The following KLK6 variants were observed in gnomAD, a reference collection of about 807,000 sequenced individuals.
The protein encoded by KLK6 is kallikrein related peptidase 6, also known as kallikrein-6.
A neutral mutation model predicts 21.7 loss-of-function variants in KLK6; 16 were observed. The observed-to-expected ratio is 0.74, with a 90% CI of 0.50 to 1.12. KLK6 has a LOEUF of 1.12. Ranked by LOEUF, KLK6 falls within the 50% of genes most tolerant of loss-of-function variation. The probability of loss-of-function intolerance (pLI) is 0.00; values close to 1 mark genes in which losing one functional copy is unlikely to be tolerated. For synonymous variants in KLK6, 116 were observed against 120.1 expected, an observed-to-expected ratio of 0.97 and a Z score of 0.22; for missense variants, 276 against 304.6, an observed-to-expected ratio of 0.91 and a Z score of 0.70.
Position 50,961,857 on chromosome 19 carries a change from A to T in KLK6, c.469T>A (p.Cys157Ser), listed in dbSNP as rs2090846954. The T allele has an allele frequency of 6.2e-7, 1 of 1,613,752 alleles. No individual in the cohort carries two copies. Among genetic ancestry groups the T allele is most frequent in the South Asian group, 1.1e-5 (1 of 91,066 alleles). ...ADGDFPDTIQ[C>S]AYIHLVSREE... ...CGGGACACCAGGTGGATGTATGCAC[A>T]CTGGATGGTGTCAGGGAAATCACCT... Residue 157 changes from cysteine (C) to serine (S), a missense_variant, in exon 6 of 7, where the codon TGT becomes AGT. Coordinates refer to ENST00000310157, the MANE Select transcript of KLK6 (RefSeq NM_002774.4).
chr19:50,968,011 C>A, intron 3 of KLK6, 54 bp downstream of exon 3: 5 of 1,551,496 alleles, frequency 3.2e-6, no homozygotes, highest in Non-Finnish European at 4.4e-6. Flanking sequence ...TCTTCTCCAT[C>A]AACAAGCCCA....
intron 6 of KLK6, 47 bp from the exon 7 acceptor site, chr19:50,959,363 CTGTGTGTGTGTGTG>C (rs71185782): frequency 3.1e-4 from 258 of 841,862 alleles, no homozygotes; most frequent in Middle Eastern, 7.2e-4. Context: ...AACCCAGAGA[CTGTGTGTGTGTGTG>C]TGTGTGTGTG....
chr19:50,967,150 A>G lies in KLK6; in HGVS notation c.197+19T>C. Reference sequence around the variant, plus strand: ...CAGGGTTCAGTCGCATCTGCTGTTCATTTACAGTGTAGACTCACGGTTTTT... The same window carrying G: ...CAGGGTTCAGTCGCATCTGCTGTTCGTTTACAGTGTAGACTCACGGTTTTT... On this transcript the variant is annotated intron_variant, in intron 4 of 6. Coordinates refer to ENST00000310157, the MANE Select transcript of KLK6 (RefSeq NM_002774.4). The G allele has an allele frequency of 6.2e-7, 1 of 1,613,788 alleles. No homozygotes were observed. Among genetic ancestry groups the G allele is most frequent in the Non-Finnish European group, 8.5e-7 (1 of 1,179,912 alleles).
At chr19:50,964,309 G>A (rs1459912895) in intron 4 of KLK6, among the ~76,000 whole-genome samples, 1 of 152,144 alleles carries the variant, frequency 6.6e-6, no homozygotes, top group Non-Finnish European at 1.5e-5. Context: ...CCTGTTAGTA[G>A]GCAATTCCTA....
intron 4 of KLK6, among the ~76,000 whole-genome samples, chr19:50,964,086 C>T (rs2090889361): frequency 6.6e-6 from 1 of 152,114 alleles, no homozygotes; most frequent in Non-Finnish European, 1.5e-5. Flanking sequence ...TCTCCTCCCA[C>T]TCTCCCCTTC....
In KLK6 at chr19:50,961,948, C is replaced by CG; in HGVS notation, c.446-69_446-68insC. 2.6e-6 allele frequency: 4 copies of CG among 1,552,478 alleles called. No individual in the cohort carries two copies. The South Asian group carries it at 4.9e-5, about 19-fold the overall frequency. ...CTCCCCTCATCCTCCCCAGTCACCCCCCAACCCCTATAAGTCCTCCATCCT... is the reference window on the plus strand; with the variant it reads ...CTCCCCTCATCCTCCCCAGTCACCCCGCCAACCCCTATAAGTCCTCCATCCT... On this transcript the variant is annotated intron_variant, in intron 5 of 6. Coordinates refer to ENST00000310157, the MANE Select transcript of KLK6 (RefSeq NM_002774.4).
At chr19:50,960,773 G>GT (rs200426895) in intron 6 of KLK6, among the ~76,000 whole-genome samples, 1,549 of 149,908 alleles carry the variant, frequency 0.01, 21 homozygotes, top group African/African-American at 0.027. Flanking sequence ...TTGTTTTTTG[G>GT]TTTTTTTTTG....
Position 50,958,876 on chromosome 19 carries a change from G to A in KLK6, c.*288C>T, listed in dbSNP as rs1260116865. ...GGGCCTCTGCAGGAAGAAATCAAAC[G>A]TGTGGAAGGGTTGGGGAGAGGAGAT... is the stretch of plus-strand genomic sequence containing the variant. On this transcript the variant is annotated 3_prime_UTR_variant, in exon 7 of 7. Coordinates refer to ENST00000310157, the MANE Select transcript of KLK6 (RefSeq NM_002774.4). 3 of 403,212 alleles carry A rather than the reference G, an allele frequency of 7.4e-6. No individual in the cohort carries two copies. Among genetic ancestry groups the A allele is most frequent in the South Asian group, 3.6e-5 (1 of 27,672 alleles). The allele number at this position is 403,212 out of a possible 1,614,324, so 25.0% of individuals were successfully genotyped here.
rs1329502453 is a variant in KLK6, at chr19:50,963,318, C to G, written c.429G>C (p.Trp143Cys). The change falls in exon 5 of 7, where the codon TGG becomes TGC. Residue 143 changes from tryptophan to cysteine, a missense_variant. By Grantham distance (215) the Trp-to-Cys change is radical. Coordinates refer to ENST00000310157, the MANE Select transcript of KLK6 (RefSeq NM_002774.4). ...ACTACTGACCATCTGCTGTCTTGCCCCAGCCCAGGATGTGGCAGCTGGTGG... is the reference window on the plus strand; with the variant it reads ...ACTACTGACCATCTGCTGTCTTGCCGCAGCCCAGGATGTGGCAGCTGGTGG... ...ANTTSCHILGWGKTADGDFPD... is the reference protein window; with the variant it reads ...ANTTSCHILGCGKTADGDFPD... The G allele has an allele frequency of 6.2e-7, 1 of 1,613,592 alleles. No individual in the cohort carries two copies.
At chr19:50,964,592 G>A (rs369169638) in intron 4 of KLK6, among the ~76,000 whole-genome samples, 3 of 152,264 alleles carry the variant, frequency 2.0e-5, no homozygotes, top group African/African-American at 7.2e-5. Flanking sequence ...GTGGCTGATG[G>A]CTACCATATT....
At position 50,967,282 on chromosome 19, in the gene KLK6, G is replaced by A. The variant is rs1395336516; in HGVS notation, c.84C>T (p.Cys28=). ...EQNKLVHGGP[C]DKTSHPYQAA... Reference sequence around the variant, plus strand: ...CTTGGTAGGGGTGAGATGTCTTGTCGCAGGGTCCGCCATGCACCAACTTAT... The same window carrying A: ...CTTGGTAGGGGTGAGATGTCTTGTCACAGGGTCCGCCATGCACCAACTTAT... The change falls in exon 4 of 7, where the codon TGC becomes TGT. Residue 28 remains cysteine (C), a synonymous_variant. Coordinates refer to ENST00000310157, the MANE Select transcript of KLK6 (RefSeq NM_002774.4). 1.9e-5 allele frequency: 31 copies of A among 1,613,600 alleles called. No homozygotes were observed. Among genetic ancestry groups the A allele is most frequent in the South Asian group, 5.5e-5 (5 of 91,052 alleles).
At chr19:50,964,671 T>C (rs1693648726) in intron 4 of KLK6, among the ~76,000 whole-genome samples, 1 of 152,204 alleles carries the variant, frequency 6.6e-6, no homozygotes, top group African/African-American at 2.4e-5. Context: ...CTCCAGTGCG[T>C]TGATCAGCAC....
chr19:50,967,087 C>G (rs921951931), intron 4 of KLK6, 82 bp downstream of exon 4: 1 of 1,491,000 alleles, frequency 6.7e-7, no homozygotes, highest in Non-Finnish European at 9.3e-7. Flanking sequence ...GGGGGGGATG[C>G]CTATGTCACC....
chr19:50,963,574 C>G, intron 4 of KLK6, 25 bp from the exon 5 acceptor site: 1 of 1,610,780 alleles, frequency 6.2e-7, no homozygotes, highest in Non-Finnish European at 8.5e-7. Flanking sequence ...GGCTGGGTCT[C>G]ACCTGGAGCC....
chr19:50,963,056 T>C (rs2090867451), intron 5 of KLK6, among the ~76,000 whole-genome samples: 1 of 152,232 alleles, frequency 6.6e-6, no homozygotes, highest in Admixed American at 6.5e-5. Context: ...CTTCATCTTA[T>C]GTTCCATCTC....
chr19:50,963,475 C>G lies in KLK6; in HGVS notation c.272G>C (p.Arg91Pro). 1.9e-6 allele frequency: 3 copies of G among 1,614,142 alleles called. No homozygotes were observed. The highest frequency in any genetic ancestry group is 2.5e-6 in the Non-Finnish European group (3 of 1,180,036). The change falls in exon 5 of 7, where the codon CGG becomes CCG. Residue 91 changes from arginine to proline, a missense_variant. Transcript: ENST00000310157. ...ATCATAGTCAGGGTGGATCACAGCC[C>G]GGACAACAGAACTCTGCTCCTGGGA... Reference protein sequence around the residue: ...ESSQEQSSVVRAVIHPDYDAA... With the variant: ...ESSQEQSSVVPAVIHPDYDAA...
At chr19:50,967,511 C>CCACACACACACACACACACACACA (rs146062864) in intron 3 of KLK6, among the ~76,000 whole-genome samples, 186 bp from the exon 4 acceptor site, 127 of 125,548 alleles carry the variant, frequency 1.0e-3, no homozygotes, top group Middle Eastern at 4.0e-3. Context: ...GACCTCATCT[C>CCACACACACACACACACACACACA]CACACACACA....
chr19:50,967,511 C>CCACACACACACACACACACACACACACA (rs146062864), intron 3 of KLK6, among the ~76,000 whole-genome samples, 186 bp from the exon 4 acceptor site: 8 of 125,478 alleles, frequency 6.4e-5, no homozygotes, highest in Non-Finnish European at 8.1e-5. Flanking sequence ...GACCTCATCT[C>CCACACACACACACACACACACACACACA]CACACACACA....
Position 50,963,565 on chromosome 19 carries a change from G to T in KLK6, c.198-16C>A. The stretch of plus-strand genomic sequence containing the variant: ...CTGAAGATTCCTGGGAAGGAAGAGG[G>T]CTGGGTCTCACCTGGAGCCCTTGGG... On this transcript the variant is annotated splice_polypyrimidine_tract_variant and intron_variant, in intron 4 of 6. Transcript: ENST00000310157. 6.2e-7 allele frequency: 1 copy of T among 1,613,490 alleles called. No homozygotes were observed. The highest frequency in any genetic ancestry group is 1.7e-4 in the Middle Eastern group (1 of 6,050).
Sources: gnomAD v4.1 joint callset for allele counts (sites outside exome capture counted in the v4.1 genomes callset) on GRCh38, gnomAD v4.1.1 for gene constraint, MANE v1.5 for transcripts, NCBI Gene and HGNC (gene_info 2026-07-23, HGNC 2026-07-21) for gene names.